LRRTM4: variants seen among roughly 807,000 people sequenced by gnomAD.
LRRTM4 encodes leucine-rich repeat transmembrane neuronal protein 4.
Under a neutral mutation model 47.6 loss-of-function variants are expected in LRRTM4, and 25 were observed. That is an observed-to-expected ratio of 0.53 (90% confidence interval 0.38 to 0.73). The LOEUF (loss-of-function observed/expected upper bound fraction) is 0.73. Ranked by LOEUF, LRRTM4 falls within the 30% of genes least tolerant of loss-of-function variation. LRRTM4 has a pLI of 0.00. For missense variants in LRRTM4, 638 were observed against 713.4 expected (o/e 0.89, Z 1.20); for synonymous variants, 311 against 269.5 (o/e 1.15, Z -1.51).
At chr2:77,418,298 G>A (rs889994396) in intron 3 of LRRTM4, among the ~76,000 whole-genome samples, 1 of 152,100 alleles carries the variant, frequency 6.6e-6, no homozygotes, top group African/African-American at 2.4e-5. Context: ...TATGTGACAT[G>A]ATCTGATTAG....
chr2:77,389,949 C>T (rs967781458), intron 3 of LRRTM4, among the ~76,000 whole-genome samples: 11 of 152,032 alleles, frequency 7.2e-5, no homozygotes, highest in African/African-American at 1.9e-4. Context: ...ATCAGTGCTA[C>T]CCTTAAATCT....
intron 3 of LRRTM4, among the ~76,000 whole-genome samples, chr2:77,239,290 G>A (rs1462706451): frequency 6.6e-6 from 1 of 151,786 alleles, no homozygotes; most frequent in Non-Finnish European, 1.5e-5. Context: ...TGATAATGAG[G>A]TATAAATAAG....
At chr2:77,260,489 T>C (rs1349652674) in intron 3 of LRRTM4, among the ~76,000 whole-genome samples, 3 of 151,876 alleles carry the variant, frequency 2.0e-5, no homozygotes, top group African/African-American at 4.8e-5. Flanking sequence ...TAACAATATT[T>C]AGATACCAAA....
At chr2:76,977,656 A>T (rs924306457) in intron 3 of LRRTM4, among the ~76,000 whole-genome samples, 4 of 151,984 alleles carry the variant, frequency 2.6e-5, no homozygotes, top group African/African-American at 9.7e-5. Context: ...AACTCACTGT[A>T]AAGTTTTAGT....
At chr2:76,886,515 T>A (rs1448777142) in intron 3 of LRRTM4, among the ~76,000 whole-genome samples, 1 of 152,006 alleles carries the variant, frequency 6.6e-6, no homozygotes, top group African/African-American at 2.4e-5. Flanking sequence ...ATAAATAAGA[T>A]AATATGAGTT....
intron 3 of LRRTM4, among the ~76,000 whole-genome samples, chr2:77,081,247 AACACACACACACAC>A (rs58897041): frequency 0.01 from 1,441 of 139,996 alleles, 32 homozygotes; most frequent in African/African-American, 0.035. Context: ...ACCTGACAGC[AACACACACACACAC>A]ACACACACAC....
chr2:76,990,896 G>A (rs532654289), intron 3 of LRRTM4, among the ~76,000 whole-genome samples: 149 of 151,626 alleles, frequency 9.8e-4, no homozygotes, highest in Non-Finnish European at 1.7e-3. Flanking sequence ...CACATGCTTG[G>A]CTATAAAGCA....
rs186008609 is a variant in LRRTM4 at position 77,325,732 on chromosome 2, C to G, written c.1551+192586G>C. The stretch of plus-strand genomic sequence containing the variant: ...CTTTCACAGCTTTCAGTTCTTTGTA[C>G]TATGTATCGGAAAAAAGATGTGTGA... On this transcript the variant is annotated intron_variant, in intron 3 of 3. Coordinates refer to ENST00000409884, the MANE Select transcript of LRRTM4 (RefSeq NM_001134745.3). Among the ~76,000 whole-genome samples the G allele has an allele frequency of 2.0e-3, 303 of 152,224 alleles. 1 individual carries two copies. The highest frequency in any genetic ancestry group is 6.4e-3 in the South Asian group (31 of 4,834).
intron 3 of LRRTM4, among the ~76,000 whole-genome samples, chr2:76,940,176 A>G (rs878881505): frequency 6.6e-6 from 1 of 152,222 alleles, no homozygotes; most frequent in South Asian, 2.1e-4. Flanking sequence ...TCTATCAAAA[A>G]GACACATACA....
chr2:77,306,877 G>GCTAT (rs1677287431), intron 3 of LRRTM4, among the ~76,000 whole-genome samples: 1 of 148,750 alleles, frequency 6.7e-6, no homozygotes, highest in African/African-American at 2.5e-5. Flanking sequence ...TTCTAAAATA[G>GCTAT]CTATATACTG....
At chr2:76,767,140 A>G (rs532029378) in intron 3 of LRRTM4, among the ~76,000 whole-genome samples, 17 of 152,262 alleles carry the variant, frequency 1.1e-4, no homozygotes, top group African/African-American at 4.1e-4. Flanking sequence ...AATTCCCTCT[A>G]TTAAATTCTC....
At chr2:76,837,561 G>A (rs1452108100) in intron 3 of LRRTM4, among the ~76,000 whole-genome samples, 3 of 152,062 alleles carry the variant, frequency 2.0e-5, no homozygotes, top group Non-Finnish European at 4.4e-5. Flanking sequence ...ATGTGTCCCA[G>A]AGATTCCAGC....
At chr2:77,038,778 G>A (rs748311262) in intron 3 of LRRTM4, among the ~76,000 whole-genome samples, 1 of 151,406 alleles carries the variant, frequency 6.6e-6, no homozygotes, top group Non-Finnish European at 1.5e-5. Flanking sequence ...ATTGATAGGG[G>A]AATCAGTTGG....
chr2:76,781,172 C>G (rs1380831691), intron 3 of LRRTM4, among the ~76,000 whole-genome samples: 1 of 152,248 alleles, frequency 6.6e-6, no homozygotes, highest in Non-Finnish European at 1.5e-5. Context: ...CAGACAGGGA[C>G]ATTTAAGTCT....
At chr2:77,390,306 GAC>G (rs374197288) in intron 3 of LRRTM4, among the ~76,000 whole-genome samples, 17 of 151,980 alleles carry the variant, frequency 1.1e-4, no homozygotes, top group African/African-American at 4.1e-4. Flanking sequence ...TAGGAAAAAA[GAC>G]ACACATATTT....
chr2:77,072,645 G>A (rs1680192660), intron 3 of LRRTM4, among the ~76,000 whole-genome samples: 1 of 151,632 alleles, frequency 6.6e-6, no homozygotes, highest in Non-Finnish European at 1.5e-5. Flanking sequence ...TAGGTATACA[G>A]AAAATTAGCC....
At chr2:76,906,661 G>A (rs1414415091) in intron 3 of LRRTM4, among the ~76,000 whole-genome samples, 2 of 151,906 alleles carry the variant, frequency 1.3e-5, no homozygotes. Context: ...GATCTACCAA[G>A]CCAATGGAAA....
chr2:76,860,995 G>A (rs1045719086), intron 3 of LRRTM4, among the ~76,000 whole-genome samples: 3 of 152,050 alleles, frequency 2.0e-5, no homozygotes, highest in African/African-American at 7.2e-5. Flanking sequence ...AGTTGACTAA[G>A]ACAGTGATTA....
At chr2:77,483,350 A>G (rs1677789155) in intron 3 of LRRTM4, among the ~76,000 whole-genome samples, 1 of 151,986 alleles carries the variant, frequency 6.6e-6, no homozygotes, top group Non-Finnish European at 1.5e-5. Context: ...AGGACTTTTT[A>G]GTGGTGGAGG....
Sources: allele counts gnomAD v4.1 joint callset (sites outside exome capture counted in the v4.1 genomes callset), GRCh38; gene constraint gnomAD v4.1.1; transcripts MANE v1.5; gene names NCBI Gene and HGNC (gene_info 2026-07-23, HGNC 2026-07-21).